FTO: variants seen among roughly 807,000 people sequenced by gnomAD.
FTO encodes FTO alpha-ketoglutarate dependent dioxygenase, also known as alpha-ketoglutarate-dependent dioxygenase FTO.
Under a neutral mutation model 63.9 loss-of-function variants are expected in FTO, and 47 were observed. That is an observed-to-expected ratio of 0.74 (90% CI 0.58 to 0.94). The LOEUF (loss-of-function observed/expected upper bound fraction) is 0.94, where lower values mean the gene tolerates loss of function less well. Among genes scored for constraint, FTO ranks in the 40% least tolerant of loss-of-function variants. The pLI is 0.00. For synonymous variants in FTO, 207 were observed against 224.4 expected (o/e 0.92, Z 0.69); for missense variants, 562 against 618.1 (o/e 0.91, Z 0.96).
chr16:53,936,729 G>A (rs1301725420), intron 8 of FTO, among the ~76,000 whole-genome samples: 1 of 152,204 alleles, frequency 6.6e-6, no homozygotes, highest in African/African-American at 2.4e-5. Context: ...GGATCAGTTA[G>A]ATTAGATAAT....
At chr16:53,774,432 G>A (rs1332581742) in intron 1 of FTO, among the ~76,000 whole-genome samples, 2 of 152,126 alleles carry the variant, frequency 1.3e-5, no homozygotes. Flanking sequence ...CCAGAAGATG[G>A]ATTAATGTAG....
In FTO at chr16:54,119,373, A is replaced by C. The variant is rs1386947762; in HGVS notation, c.*7458A>C. On this transcript the variant is annotated 3_prime_UTR_variant, in exon 9 of 9. Transcript: ENST00000471389. ...CAAGAGATGAATCAGTTTCTCAGACAGCCAAAGCCGTGGCTTATAACTCAT... is the reference window on the plus strand; with the variant it reads ...CAAGAGATGAATCAGTTTCTCAGACCGCCAAAGCCGTGGCTTATAACTCAT... The C allele has an allele frequency of 6.6e-6, 1 of 152,236 alleles. No individual in the cohort carries two copies. Among genetic ancestry groups the C allele is most frequent in the Non-Finnish European group, 1.5e-5 (1 of 68,050 alleles). 9.4% of individuals were successfully genotyped at this position (152,236 alleles called of 1,614,324 possible). A position where few individuals can be genotyped will look rare whatever the true frequency, so the allele number is the denominator to read the frequency against.
intron 4 of FTO, among the ~76,000 whole-genome samples, chr16:53,867,594 A>G (rs990360572): frequency 2.0e-5 from 3 of 151,692 alleles, no homozygotes; most frequent in African/African-American, 7.3e-5. Context: ...AAATTTGGTA[A>G]TACGTGTTTT....
At chr16:53,809,478 C>T (rs1411745511) in intron 1 of FTO, among the ~76,000 whole-genome samples, 1 of 152,102 alleles carries the variant, frequency 6.6e-6, no homozygotes, top group Non-Finnish European at 1.5e-5. Flanking sequence ...ATTATACAGA[C>T]AGGCGTTTGC....
At chr16:53,848,391 C>G (rs576740831) in intron 4 of FTO, among the ~76,000 whole-genome samples, 7 of 152,098 alleles carry the variant, frequency 4.6e-5, no homozygotes, top group Admixed American at 4.6e-4. Context: ...GGGAACGTGT[C>G]GGGTGCCTGT....
intron 7 of FTO, among the ~76,000 whole-genome samples, chr16:53,923,980 A>G (rs556978496): frequency 6.6e-6 from 1 of 152,238 alleles, no homozygotes; most frequent in Admixed American, 6.5e-5. Flanking sequence ...GATGGGAGAT[A>G]TGGTGTAAGT....
At chr16:54,104,898 T>C (rs1425002671) in intron 8 of FTO, among the ~76,000 whole-genome samples, 2 of 152,254 alleles carry the variant, frequency 1.3e-5, no homozygotes, top group African/African-American at 2.4e-5. Flanking sequence ...CAGCGTTGCA[T>C]GATCACTAGA....
chr16:53,974,068 G>A (rs766064508), intron 8 of FTO, among the ~76,000 whole-genome samples: 31 of 152,094 alleles, frequency 2.0e-4, no homozygotes, highest in Non-Finnish European at 3.4e-4. Context: ...GCCCTGCTTG[G>A]TCAAACAAAA....
chr16:53,761,353 TG>T (rs2077065482), intron 1 of FTO, among the ~76,000 whole-genome samples: 1 of 152,022 alleles, frequency 6.6e-6, no homozygotes, highest in Non-Finnish European at 1.5e-5. Flanking sequence ...TCTCCCACCT[TG>T]GCCTCCCAAA....
chr16:54,004,389 CAAATAAAT>C (rs60440155), intron 8 of FTO, among the ~76,000 whole-genome samples: 8 of 148,572 alleles, frequency 5.4e-5, no homozygotes, highest in Admixed American at 2.0e-4. Flanking sequence ...CAAGACCCTG[CAAATAAAT>C]AAATAAATAA....
chr16:53,741,966 C>G (rs2076537273), intron 1 of FTO, among the ~76,000 whole-genome samples: 1 of 152,138 alleles, frequency 6.6e-6, no homozygotes, highest in African/African-American at 2.4e-5. Flanking sequence ...GCTGGAGAAT[C>G]AATTCCTTGC....
At chr16:53,704,940 G>A (rs1340986440) in intron 1 of FTO, among the ~76,000 whole-genome samples, 4 of 152,048 alleles carry the variant, frequency 2.6e-5, no homozygotes, top group African/African-American at 9.7e-5. Context: ...AGGCTCAGAA[G>A]CATTGAGTGT....
chr16:54,073,087 A>G (rs1327663421), intron 8 of FTO, among the ~76,000 whole-genome samples: 3 of 152,206 alleles, frequency 2.0e-5, no homozygotes, highest in African/African-American at 2.4e-5. Context: ...TAGGTTCTCA[A>G]TCAATAAACC....
At chr16:53,830,217 A>G (rs918900946) in intron 3 of FTO, among the ~76,000 whole-genome samples, 3 of 152,230 alleles carry the variant, frequency 2.0e-5, no homozygotes, top group Admixed American at 6.5e-5. Flanking sequence ...TAGTTAATAG[A>G]TATCTCCAGT....
intron 7 of FTO, among the ~76,000 whole-genome samples, chr16:53,894,738 G>A (rs1337408354): frequency 3.3e-5 from 5 of 151,992 alleles, no homozygotes; most frequent in African/African-American, 1.2e-4. Flanking sequence ...TTCAGGGTTA[G>A]CATTTCTGAT....
chr16:54,116,200 G>A lies in FTO; in HGVS notation c.*4285G>A, dbSNP rs561255551. On this transcript the variant is annotated 3_prime_UTR_variant, in exon 9 of 9. Coordinates refer to ENST00000471389, the MANE Select transcript of FTO (RefSeq NM_001080432.3). ...GGTTTTTTGTATGCTTCGAGGGAAG[G>A]AAGGTATTTTCAAATGCAACTTCTT... is the stretch of plus-strand genomic sequence containing the variant. 36 of 152,356 alleles carry A rather than the reference G, an allele frequency of 2.4e-4. No individual in the cohort carries two copies. The highest frequency in any genetic ancestry group is 7.9e-4 in the African/African-American group (33 of 41,584). The allele number at this position is 152,356 out of a possible 1,614,324, so 9.4% of individuals were successfully genotyped here.
intron 2 of FTO, among the ~76,000 whole-genome samples, chr16:53,818,947 G>T (rs1315467773): frequency 6.6e-6 from 1 of 152,102 alleles, no homozygotes; most frequent in Non-Finnish European, 1.5e-5. Context: ...ATTCCTAAAA[G>T]TAGAATAACT....
At chr16:54,086,923 C>T (rs1455281003) in intron 8 of FTO, among the ~76,000 whole-genome samples, 8 of 152,308 alleles carry the variant, frequency 5.3e-5, no homozygotes, top group South Asian at 2.1e-4. Flanking sequence ...AGTGGGCTGC[C>T]GGCCCCCATA....
At chr16:53,870,132 T>C (rs1393619642) in intron 4 of FTO, among the ~76,000 whole-genome samples, 1 of 152,190 alleles carries the variant, frequency 6.6e-6, no homozygotes, top group East Asian at 1.9e-4. Context: ...TAGCAGGGGC[T>C]AGGAGTTCTA....
Sources: allele counts gnomAD v4.1 joint callset (sites outside exome capture counted in the v4.1 genomes callset), GRCh38; gene constraint gnomAD v4.1.1; transcripts MANE v1.5; gene names NCBI Gene and HGNC (gene_info 2026-07-23, HGNC 2026-07-21).